Variants in SEMA5A observed in about 807,000 individuals in gnomAD.
The protein encoded by SEMA5A is semaphorin-5A.
SEMA5A carries 55 observed loss-of-function variants against 135.5 expected under a neutral mutation model. The ratio of observed to expected loss-of-function variants is 0.41; its 90% CI spans 0.33 to 0.51. The LOEUF is 0.51. Among genes scored for constraint, SEMA5A ranks in the 20% least tolerant of loss-of-function variants. The pLI, the probability that SEMA5A is intolerant of heterozygous loss-of-function variation, is 0.37. For synonymous variants in SEMA5A, 580 were observed against 546.5 expected, an observed-to-expected ratio of 1.06 and a Z score of -0.85; for missense variants, 1,290 against 1,419.9, an observed-to-expected ratio of 0.91 and a Z score of 1.47.
At chr5:9,482,233 A>G (rs1759904965) in intron 1 of SEMA5A, among the ~76,000 whole-genome samples, 1 of 152,158 alleles carries the variant, frequency 6.6e-6, no homozygotes, top group Non-Finnish European at 1.5e-5. Context: ...CCTACTCCAG[A>G]AGATTCAGGA....
At chr5:9,184,176 C>A (rs1579561851) in intron 11 of SEMA5A, among the ~76,000 whole-genome samples, 1 of 151,616 alleles carries the variant, frequency 6.6e-6, no homozygotes. Context: ...TTCTTTTTCT[C>A]AGAATATTGC....
At chr5:9,311,829 T>C (rs190515829) in intron 5 of SEMA5A, among the ~76,000 whole-genome samples, 1 of 152,144 alleles carries the variant, frequency 6.6e-6, no homozygotes, top group Non-Finnish European at 1.5e-5. Context: ...ATATTGATCA[T>C]GTAGTCAGAG....
intron 1 of SEMA5A, among the ~76,000 whole-genome samples, chr5:9,479,877 C>T (rs767997038): frequency 2.0e-5 from 3 of 152,208 alleles, no homozygotes; most frequent in South Asian, 2.1e-4. Flanking sequence ...GATGATCACA[C>T]ACATCACCTC....
chr5:9,237,776 G>A lies in SEMA5A; in HGVS notation c.333+52C>T, dbSNP rs541499410. On this transcript the variant is annotated intron_variant, in intron 6 of 22. Transcript: ENST00000382496. ...TTCATATCAACATGCTTTATATAGT[G>A]TAGAGTCCTTCAAGACAGGGTGATG... The A allele has an allele frequency of 2.3e-4, 352 of 1,518,614 alleles. 3 individuals carry two copies. The South Asian group carries it at 3.7e-3, about 16-fold the overall frequency. 94.1% of individuals were successfully genotyped at this position (1,518,614 alleles called of 1,614,324 possible). A position where few individuals can be genotyped will look rare whatever the true frequency, so the allele number is the denominator to read the frequency against.
intron 21 of SEMA5A, chr5:9,045,918 A>G (rs1188463312): frequency 6.6e-6 from 1 of 152,226 alleles, no homozygotes; most frequent in Non-Finnish European, 1.5e-5. Flanking sequence ...GTCGGAGCAA[A>G]CAAAAGACAA....
chr5:9,272,573 C>T lies in SEMA5A; in HGVS notation c.271-34683G>A, dbSNP rs1750033282. Among the ~76,000 whole-genome samples the T allele has an allele frequency of 1.3e-5, 2 of 152,140 alleles. 1 individual carries two copies. The highest frequency in any genetic ancestry group is 2.9e-5 in the Non-Finnish European group (2 of 68,016). On this transcript the variant is annotated intron_variant, in intron 5 of 22. Coordinates refer to ENST00000382496, the MANE Select transcript of SEMA5A (RefSeq NM_003966.3). ...CCCGGTGTATCGTGAATGTGAGACA[C>T]CTCCCAGTAGGGGCCGACAGACACC... is the stretch of plus-strand genomic sequence containing the variant.
At chr5:9,090,783 C>T (rs1017941866) in intron 16 of SEMA5A, among the ~76,000 whole-genome samples, 1 of 152,198 alleles carries the variant, frequency 6.6e-6, no homozygotes, top group African/African-American at 2.4e-5. Flanking sequence ...ATTCGTCCCT[C>T]ATACAGAAGG....
chr5:9,222,091 C>A (rs1032162576), intron 8 of SEMA5A, among the ~76,000 whole-genome samples: 3 of 152,106 alleles, frequency 2.0e-5, no homozygotes, highest in African/African-American at 7.2e-5. Flanking sequence ...TCAGTGCAGG[C>A]GGGCAGGAGT....
intron 1 of SEMA5A, among the ~76,000 whole-genome samples, chr5:9,475,864 A>G (rs1759649874): frequency 6.6e-6 from 1 of 152,260 alleles, no homozygotes; most frequent in African/African-American, 2.4e-5. Flanking sequence ...AGTTATCTTT[A>G]AAACTATAGA....
At chr5:9,511,270 A>G (rs1736193441) in intron 1 of SEMA5A, 1 of 152,302 alleles carries the variant, frequency 6.6e-6, no homozygotes, top group African/African-American at 2.4e-5. Flanking sequence ...TGATGTCATA[A>G]TGTGATGTTC....
chr5:9,146,660 C>A (rs1742353975), intron 12 of SEMA5A, among the ~76,000 whole-genome samples: 2 of 152,156 alleles, frequency 1.3e-5, no homozygotes, highest in Admixed American at 1.3e-4. Flanking sequence ...TCCATGACAG[C>A]AGGTGATTTT....
chr5:9,096,832 C>T (rs1294512628), intron 16 of SEMA5A, among the ~76,000 whole-genome samples: 2 of 152,044 alleles, frequency 1.3e-5, no homozygotes, highest in African/African-American at 2.4e-5. Flanking sequence ...CCAAAAGGTA[C>T]ATGAAAAGCT....
intron 12 of SEMA5A, among the ~76,000 whole-genome samples, chr5:9,153,144 G>A (rs1372569129): frequency 6.6e-6 from 1 of 151,930 alleles, no homozygotes; most frequent in Non-Finnish European, 1.5e-5. Context: ...GTGTAACTTG[G>A]CACCTTGTTT....
At chr5:9,228,540 C>T (rs781423499) in intron 6 of SEMA5A, among the ~76,000 whole-genome samples, 17 of 152,174 alleles carry the variant, frequency 1.1e-4, no homozygotes, top group South Asian at 4.1e-4. Flanking sequence ...GTTTTGACTG[C>T]GTGAAGTATT....
At chr5:9,353,130 A>AGGGAAAGGAAAGGAAAGGAAAGGAAAG in intron 3 of SEMA5A, among the ~76,000 whole-genome samples, 1 of 67,934 alleles carries the variant, frequency 1.5e-5, no homozygotes, top group Non-Finnish European at 3.0e-5. Context: ...AGGAAAGGAA[A>AGGGAAAGGAAAGGAAAGGAAAGGAAAG]GGAAAGGAAA....
At chr5:9,396,279 A>C (rs1472462942) in intron 2 of SEMA5A, among the ~76,000 whole-genome samples, 2 of 95,086 alleles carry the variant, frequency 2.1e-5, no homozygotes, top group African/African-American at 8.6e-5. Flanking sequence ...CACACACACA[A>C]ATACATCCTA....
In SEMA5A at chr5:9,239,058, A is replaced by G. The variant is rs80167436; in HGVS notation, c.271-1168T>C. Among the ~76,000 whole-genome samples the G allele has an allele frequency of 3.9e-4, 59 of 152,294 alleles. No individual in the cohort carries two copies. The East Asian group carries it at 0.01, about 27-fold the overall frequency. ...CAAAGTCAGGCTAACACCATTCTCT[A>G]ATATCTTCTGCCTTCCAAAGAATGT... is the stretch of plus-strand genomic sequence containing the variant. On this transcript the variant is annotated intron_variant, in intron 5 of 22. Coordinates refer to ENST00000382496, the MANE Select transcript of SEMA5A (RefSeq NM_003966.3).
At chr5:9,217,842 C>A (rs770605569) in intron 8 of SEMA5A, among the ~76,000 whole-genome samples, 3 of 152,132 alleles carry the variant, frequency 2.0e-5, no homozygotes. Context: ...TCTGTCAGAC[C>A]TGTGAAGTTC....
chr5:9,341,705 T>G (rs112069749), intron 3 of SEMA5A, among the ~76,000 whole-genome samples: 3,980 of 148,544 alleles, frequency 0.027, 166 homozygotes, highest in African/African-American at 0.091. Context: ...AGTTAAGTTA[T>G]AACATAAAAT....
Sources: gnomAD v4.1 joint callset for allele counts (sites outside exome capture counted in the v4.1 genomes callset) on GRCh38, gnomAD v4.1.1 for gene constraint, MANE v1.5 for transcripts, NCBI Gene and HGNC (gene_info 2026-07-23, HGNC 2026-07-21) for gene names.